Variants in GALNTL6 observed in about 807,000 individuals in gnomAD.
GALNTL6 encodes the protein polypeptide N-acetylgalactosaminyltransferase like 6.
In GALNTL6, 46 loss-of-function variants were observed where a neutral mutation model predicts 73.7. The ratio of observed to expected loss-of-function variants is 0.62; its 90% CI spans 0.49 to 0.80. The LOEUF (loss-of-function observed/expected upper bound fraction) is 0.80. Ranked by LOEUF, GALNTL6 falls within the 30% of genes least tolerant of loss-of-function variation. GALNTL6 has a pLI of 0.00. For synonymous variants in GALNTL6, 259 were observed against 263.7 expected, an observed-to-expected ratio of 0.98 and a Z score of 0.17; for missense variants, 604 against 755.0, an observed-to-expected ratio of 0.80 and a Z score of 2.34.
At chr4:172,430,378 G>A (rs1288895337) in intron 5 of GALNTL6, among the ~76,000 whole-genome samples, 2 of 152,002 alleles carry the variant, frequency 1.3e-5, no homozygotes, top group African/African-American at 4.8e-5. Flanking sequence ...ATAATGATCT[G>A]TTGAAAAATC....
intron 5 of GALNTL6, among the ~76,000 whole-genome samples, chr4:172,452,769 A>G (rs1322313814): frequency 6.6e-6 from 1 of 152,242 alleles, no homozygotes; most frequent in Non-Finnish European, 1.5e-5. Context: ...GTTAGTACAA[A>G]TATTTTCTGT....
intron 5 of GALNTL6, among the ~76,000 whole-genome samples, chr4:172,440,039 A>G (rs1360231216): frequency 1.3e-5 from 2 of 152,070 alleles, no homozygotes; most frequent in Non-Finnish European, 2.9e-5. Context: ...AGGAACTCTC[A>G]TTCATTGCTA....
chr4:172,325,593 A>G (rs889662718), intron 4 of GALNTL6, among the ~76,000 whole-genome samples: 5 of 151,966 alleles, frequency 3.3e-5, no homozygotes, highest in Admixed American at 6.6e-5. Flanking sequence ...GTAATTTTCA[A>G]TGTACCTAAA....
At chr4:172,213,099 C>CT (rs35896181) in intron 2 of GALNTL6, among the ~76,000 whole-genome samples, 76,817 of 150,782 alleles carry the variant, frequency 0.51, 21,299 homozygotes, top group East Asian at 0.86. Flanking sequence ...AAGTTTCATC[C>CT]TTTTTTTTTG....
chr4:172,713,267 T>TGTGTGTGTG (rs1553976791), intron 5 of GALNTL6, among the ~76,000 whole-genome samples: 31 of 145,034 alleles, frequency 2.1e-4, no homozygotes, highest in East Asian at 4.0e-4. Context: ...TGTGTGTGTG[T>TGTGTGTGTG]TTAGAGAGAA....
At chr4:172,239,148 C>T (rs1157627905) in intron 3 of GALNTL6, among the ~76,000 whole-genome samples, 1 of 152,072 alleles carries the variant, frequency 6.6e-6, no homozygotes, top group African/African-American at 2.4e-5. Context: ...TCCTACTCAA[C>T]TTTTTGGAAT....
intron 2 of GALNTL6, among the ~76,000 whole-genome samples, chr4:171,941,912 A>G (rs1274276055): frequency 6.6e-6 from 1 of 152,196 alleles, no homozygotes; most frequent in Non-Finnish European, 1.5e-5. Flanking sequence ...AGAAGTTAAA[A>G]ATAGAATTAA....
chr4:173,000,508 T>C (rs533875757), intron 10 of GALNTL6, among the ~76,000 whole-genome samples: 8 of 152,284 alleles, frequency 5.3e-5, no homozygotes, highest in African/African-American at 1.9e-4. Context: ...TTAGATGCAA[T>C]CTATCAAAAT....
intron 5 of GALNTL6, among the ~76,000 whole-genome samples, chr4:172,369,970 G>A (rs6836161): frequency 0.55 from 83,225 of 152,192 alleles, 26,495 homozygotes; most frequent in South Asian, 0.72. Context: ...AGTGGATGCC[G>A]AGGCCAAGGA....
Position 172,280,700 on chromosome 4 carries a change from G to T in GALNTL6, c.248-30914G>T, listed in dbSNP as rs540817927. Among the ~76,000 whole-genome samples the T allele has an allele frequency of 6.6e-5, 10 of 151,920 alleles. No homozygotes were observed. The South Asian group carries it at 2.1e-3, about 32-fold the overall frequency. ...CGATTAAAGTAACAATTAATATAAG[G>T]ACTTTATTGCAAGAGTTCTACATGG... On this transcript the variant is annotated intron_variant, in intron 3 of 12. Transcript: ENST00000506823.
At chr4:172,435,335 T>C (rs192198373) in intron 5 of GALNTL6, among the ~76,000 whole-genome samples, 1 of 152,050 alleles carries the variant, frequency 6.6e-6, no homozygotes, top group African/African-American at 2.4e-5. Flanking sequence ...AAGGAAAAAA[T>C]AAAACCATTT....
rs186598940 is a variant in GALNTL6, at chr4:172,862,575, T to C, written c.924-20215T>C. ...CTTAACTGGGCATGGTGGCATGCAC[T>C]TGTAGTCCCAGCTACTCAGGAGGCT... On this transcript the variant is annotated intron_variant, in intron 7 of 12. Coordinates refer to ENST00000506823, the MANE Select transcript of GALNTL6 (RefSeq NM_001034845.3). Among the ~76,000 whole-genome samples the C allele has an allele frequency of 2.6e-5, 4 of 152,128 alleles. No homozygotes were observed. The East Asian group carries it at 7.8e-4, about 30-fold the overall frequency.
intron 2 of GALNTL6, among the ~76,000 whole-genome samples, chr4:172,119,409 G>A (rs1442359752): frequency 6.6e-6 from 1 of 152,028 alleles, no homozygotes; most frequent in Non-Finnish European, 1.5e-5. Context: ...GAATTCCTAT[G>A]GGTTTTCATG....
At chr4:172,183,945 A>G (rs2110861538) in intron 2 of GALNTL6, among the ~76,000 whole-genome samples, 1 of 152,058 alleles carries the variant, frequency 6.6e-6, no homozygotes, top group East Asian at 1.9e-4. Context: ...GGCATGCACC[A>G]CCACACCCGG....
chr4:172,551,236 A>G (rs1189493612), intron 5 of GALNTL6, among the ~76,000 whole-genome samples: 2 of 152,196 alleles, frequency 1.3e-5, no homozygotes, highest in South Asian at 2.1e-4. Flanking sequence ...AGTATGTTCT[A>G]TCATTTTAAT....
chr4:172,304,284 T>C (rs779237248), intron 3 of GALNTL6, among the ~76,000 whole-genome samples: 5 of 152,222 alleles, frequency 3.3e-5, no homozygotes, highest in Non-Finnish European at 5.9e-5. Context: ...GTACCTGTTA[T>C]GTGGCAGTCA....
intron 12 of GALNTL6, among the ~76,000 whole-genome samples, chr4:173,027,878 A>G (rs1245250457): frequency 2.0e-5 from 3 of 152,236 alleles, no homozygotes; most frequent in African/African-American, 4.8e-5. Flanking sequence ...TGAATTGTTT[A>G]TATACTAGCA....
intron 2 of GALNTL6, among the ~76,000 whole-genome samples, chr4:172,123,969 C>T (rs1733223365): frequency 6.6e-6 from 1 of 152,106 alleles, no homozygotes; most frequent in African/African-American, 2.4e-5. Context: ...GAAACCTACA[C>T]TTAAGAGTAC....
At chr4:172,892,316 T>C (rs1018041625) in intron 8 of GALNTL6, among the ~76,000 whole-genome samples, 2 of 152,206 alleles carry the variant, frequency 1.3e-5, no homozygotes, top group African/African-American at 4.8e-5. Context: ...TTTGTTTTTA[T>C]ATATTCCTTT....
Sources: gnomAD v4.1 joint callset for allele counts (sites outside exome capture counted in the v4.1 genomes callset) on GRCh38, gnomAD v4.1.1 for gene constraint, MANE v1.5 for transcripts, NCBI Gene and HGNC (gene_info 2026-07-23, HGNC 2026-07-21) for gene names.